The following LHFPL2 variants were observed in gnomAD, a reference collection of about 807,000 sequenced individuals.
LHFPL2 encodes the protein LHFPL tetraspan subfamily member 2 protein.
Under a neutral mutation model 17.5 loss-of-function variants are expected in LHFPL2, and 7 were observed. The observed-to-expected ratio is 0.40, with a 90% CI of 0.23 to 0.75. The LOEUF (loss-of-function observed/expected upper bound fraction) is 0.75, where lower values mean the gene tolerates loss of function less well. Among genes scored for constraint, LHFPL2 ranks in the 30% least tolerant of loss-of-function variants. The pLI is 0.37. For synonymous variants in LHFPL2, 134 were observed against 116.2 expected (o/e 1.15, Z -0.99); for missense variants, 241 against 294.8 (o/e 0.82, Z 1.34).
rs1486868236 is a variant in LHFPL2, at chr5:78,564,871, C to T, written c.-244G>A. 6.6e-6 allele frequency: 1 copy of T among 152,120 alleles called. No homozygotes were observed. Among genetic ancestry groups the T allele is most frequent in the Non-Finnish European group, 1.5e-5 (1 of 68,024 alleles). 9.4% of individuals were successfully genotyped at this position (152,120 alleles called of 1,614,324 possible). A position where few individuals can be genotyped will look rare whatever the true frequency, so the allele number is the denominator to read the frequency against. On this transcript the variant is annotated splice_region_variant and 5_prime_UTR_variant, in exon 3 of 5. The change creates a new upstream start codon in the 5' untranslated region. Coordinates refer to ENST00000380345, the MANE Select transcript of LHFPL2 (RefSeq NM_005779.3). ...AATGAACAACTTCAGAAAAATGCCACCTGGAAAAACAAATTGAACAAAGAG... is the reference window on the plus strand; with the variant it reads ...AATGAACAACTTCAGAAAAATGCCATCTGGAAAAACAAATTGAACAAAGAG...
intron 3 of LHFPL2, among the ~76,000 whole-genome samples, chr5:78,559,859 T>C (rs976955210): frequency 2.0e-5 from 3 of 152,248 alleles, no homozygotes; most frequent in Non-Finnish European, 4.4e-5. Flanking sequence ...GCCACCTTTC[T>C]TCAGCTAAAG....
intron 1 of LHFPL2, among the ~76,000 whole-genome samples, chr5:78,638,425 T>TC (rs2112524077): frequency 6.6e-6 from 1 of 152,334 alleles, no homozygotes; most frequent in East Asian, 1.9e-4. Flanking sequence ...TGATTGTGTC[T>TC]CACATTCTCA....
chr5:78,517,538 G>A (rs1755328408), intron 3 of LHFPL2, among the ~76,000 whole-genome samples: 1 of 152,218 alleles, frequency 6.6e-6, no homozygotes, highest in Non-Finnish European at 1.5e-5. Flanking sequence ...CCACATGGCT[G>A]GGGAGACCTC....
intron 2 of LHFPL2, among the ~76,000 whole-genome samples, chr5:78,615,100 AG>A (rs1744552717): frequency 6.6e-6 from 1 of 152,200 alleles, no homozygotes; most frequent in South Asian, 2.1e-4. Flanking sequence ...ACATTTCAGG[AG>A]TTGATGTCTG....
chr5:78,580,664 G>A (rs899859416), intron 2 of LHFPL2, among the ~76,000 whole-genome samples: 7 of 152,024 alleles, frequency 4.6e-5, no homozygotes, highest in Non-Finnish European at 7.4e-5. Context: ...GGAGATATGC[G>A]GCGTTCTTTC....
chr5:78,647,824 G>C (rs1398429113), intron 1 of LHFPL2, among the ~76,000 whole-genome samples: 1 of 150,700 alleles, frequency 6.6e-6, no homozygotes, highest in South Asian at 2.1e-4. Context: ...GAATGGAAGG[G>C]AAAAGAAAAA....
At chr5:78,620,720 A>G (rs1407025692) in intron 2 of LHFPL2, among the ~76,000 whole-genome samples, 2 of 152,168 alleles carry the variant, frequency 1.3e-5, no homozygotes, top group Non-Finnish European at 2.9e-5. Flanking sequence ...AGCACCCACA[A>G]TGCCACATGA....
At chr5:78,605,106 C>G (rs1281397736) in intron 2 of LHFPL2, among the ~76,000 whole-genome samples, 1 of 152,238 alleles carries the variant, frequency 6.6e-6, no homozygotes, top group East Asian at 1.9e-4. Flanking sequence ...AAAAGGCTGT[C>G]CAGCCCCACT....
intron 3 of LHFPL2, among the ~76,000 whole-genome samples, chr5:78,543,094 C>T (rs527713824): frequency 1.3e-5 from 2 of 152,158 alleles, no homozygotes; most frequent in Non-Finnish European, 2.9e-5. Flanking sequence ...GGCAGAGAAC[C>T]TACCTGCATA....
chr5:78,607,183 T>C (rs954341617), intron 2 of LHFPL2, among the ~76,000 whole-genome samples: 1 of 151,936 alleles, frequency 6.6e-6, no homozygotes, highest in Non-Finnish European at 1.5e-5. Flanking sequence ...TGATCTCAGC[T>C]CACTGCAACC....
chr5:78,625,111 C>T (rs1358012665), intron 2 of LHFPL2: 1 of 152,180 alleles, frequency 6.6e-6, no homozygotes, highest in Non-Finnish European at 1.5e-5. Context: ...TGGAGTTGGA[C>T]AGTGGCAGAG....
chr5:78,522,877 G>A (rs1486223655), intron 3 of LHFPL2, among the ~76,000 whole-genome samples: 1 of 152,176 alleles, frequency 6.6e-6, no homozygotes, highest in Non-Finnish European at 1.5e-5. Flanking sequence ...GGTTTTATCA[G>A]GGATATGATA....
At chr5:78,621,986 A>T (rs149406223) in intron 2 of LHFPL2, among the ~76,000 whole-genome samples, 11 of 152,288 alleles carry the variant, frequency 7.2e-5, no homozygotes, top group Non-Finnish European at 1.5e-4. Context: ...ATACTCTCTA[A>T]GAAATCTGAC....
chr5:78,586,874 T>G (rs1436606606), intron 2 of LHFPL2, among the ~76,000 whole-genome samples: 1 of 152,240 alleles, frequency 6.6e-6, no homozygotes, highest in African/African-American at 2.4e-5. Context: ...TAGAATATTC[T>G]TTTTATATAT....
intron 4 of LHFPL2, among the ~76,000 whole-genome samples, chr5:78,493,978 A>C (rs1242035330): frequency 2.6e-5 from 4 of 152,190 alleles, no homozygotes; most frequent in Non-Finnish European, 5.9e-5. Flanking sequence ...AATGGAAGGT[A>C]AAGGATGCTT....
intron 2 of LHFPL2, among the ~76,000 whole-genome samples, chr5:78,617,887 T>C (rs965097964): frequency 6.8e-6 from 1 of 146,642 alleles, no homozygotes; most frequent in Non-Finnish European, 1.5e-5. Context: ...GCAAAACTTA[T>C]TCCCAGGCAT....
At chr5:78,519,762 C>T (rs564433173) in intron 3 of LHFPL2, among the ~76,000 whole-genome samples, 8 of 152,372 alleles carry the variant, frequency 5.3e-5, no homozygotes, top group Middle Eastern at 3.4e-3. Context: ...CCAGCCTCCC[C>T]GTCCCTTGAC....
intron 2 of LHFPL2, among the ~76,000 whole-genome samples, chr5:78,605,298 C>G (rs757485010): frequency 1.3e-5 from 2 of 152,182 alleles, no homozygotes; most frequent in Non-Finnish European, 2.9e-5. Context: ...AGGCAATCAA[C>G]GCAACTTCAA....
intron 2 of LHFPL2, among the ~76,000 whole-genome samples, chr5:78,605,892 A>G (rs1371537967): frequency 6.6e-6 from 1 of 152,240 alleles, no homozygotes; most frequent in South Asian, 2.1e-4. Flanking sequence ...GCTTTCACAC[A>G]CATGCTATTT....
Sources: gnomAD v4.1 joint callset for allele counts (sites outside exome capture counted in the v4.1 genomes callset) on GRCh38, gnomAD v4.1.1 for gene constraint, MANE v1.5 for transcripts, NCBI Gene and HGNC (gene_info 2026-07-23, HGNC 2026-07-21) for gene names.